ZNF503: variants seen among roughly 807,000 people sequenced by gnomAD.
ZNF503 encodes zinc finger protein 503.
Under a neutral mutation model 34.4 loss-of-function variants are expected in ZNF503, and 15 were observed. The observed-to-expected ratio is 0.44, with a 90% CI of 0.29 to 0.67. The LOEUF is 0.67. Ranked by LOEUF, ZNF503 falls within the 30% of genes least tolerant of loss-of-function variation. The pLI is 0.13. For missense variants in ZNF503, 1,007 were observed against 926.8 expected (o/e 1.09, Z -1.12); for synonymous variants, 580 against 456.8 (o/e 1.27, Z -3.44).
chr10:75,387,347 A>G, the ZNF503 span, among the ~76,000 whole-genome samples: 1 of 152,130 alleles, frequency 6.6e-6, no homozygotes, highest in Non-Finnish European at 1.5e-5. Flanking sequence ...CAGCCCCACC[A>G]CTTTTTAGCT....
the ZNF503 span, among the ~76,000 whole-genome samples, chr10:75,326,031 T>C: frequency 6.6e-6 from 1 of 152,194 alleles, no homozygotes; most frequent in Admixed American, 6.5e-5. Context: ...ACTGCAGTAT[T>C]GCTTTTATTA....
chr10:75,294,874 C>T, the ZNF503 span, among the ~76,000 whole-genome samples: 7 of 152,036 alleles, frequency 4.6e-5, no homozygotes, highest in Non-Finnish European at 1.0e-4. Flanking sequence ...GATGCGGGCC[C>T]GGGTTTTTCT....
At chr10:75,337,917 A>G in the ZNF503 span, among the ~76,000 whole-genome samples, 1 of 152,246 alleles carries the variant, frequency 6.6e-6, no homozygotes, top group Non-Finnish European at 1.5e-5. Flanking sequence ...CCTGGGCCAG[A>G]TGTTGTACTA....
chr10:75,284,510 A>C, the ZNF503 span, among the ~76,000 whole-genome samples: 1 of 151,894 alleles, frequency 6.6e-6, no homozygotes, highest in African/African-American at 2.4e-5. Context: ...AATTCTCTCA[A>C]CCCCTACCCA....
At chr10:75,292,269 A>G in the ZNF503 span, among the ~76,000 whole-genome samples, 1 of 152,228 alleles carries the variant, frequency 6.6e-6, no homozygotes, top group Non-Finnish European at 1.5e-5. Flanking sequence ...TCCTAAATTG[A>G]CATGTTCCCT....
the ZNF503 span, among the ~76,000 whole-genome samples, chr10:75,384,787 C>T: frequency 6.6e-6 from 1 of 152,192 alleles, no homozygotes; most frequent in Admixed American, 6.5e-5. Flanking sequence ...GCCAGTTTTC[C>T]TCTGAGGTCT....
At chr10:75,349,024 T>C in the ZNF503 span, among the ~76,000 whole-genome samples, 1 of 152,148 alleles carries the variant, frequency 6.6e-6, no homozygotes, top group Non-Finnish European at 1.5e-5. Context: ...ATTTTTTGAA[T>C]CATTTGTGAG....
chr10:75,390,185 T>C, the ZNF503 span, among the ~76,000 whole-genome samples: 1 of 147,344 alleles, frequency 6.8e-6, no homozygotes, highest in African/African-American at 2.5e-5. Context: ...GCATGATTTC[T>C]TTTTTTTTTT....
chr10:75,365,945 G>A, the ZNF503 span, among the ~76,000 whole-genome samples: 6 of 152,294 alleles, frequency 3.9e-5, no homozygotes, highest in African/African-American at 1.4e-4. Flanking sequence ...CGTGCCTCTC[G>A]CTTTCCCAGA....
At chr10:75,346,285 A>G in the ZNF503 span, among the ~76,000 whole-genome samples, 9 of 152,228 alleles carry the variant, frequency 5.9e-5, no homozygotes, top group East Asian at 1.7e-3. Flanking sequence ...GCAGTCTCAC[A>G]GGGCCCTGTC....
intron 1 of ZNF503, 140 bp downstream of exon 1, chr10:75,400,965 C>G (rs893390389): frequency 8.0e-7 from 1 of 1,257,234 alleles, no homozygotes; most frequent in Non-Finnish European, 1.1e-6. Context: ...TTTTGAGGTA[C>G]GGAAGCAGTA....
chr10:75,394,128 TCTC>T (rs1429120853), downstream of ZNF503, among the ~76,000 whole-genome samples: 1 of 152,186 alleles, frequency 6.6e-6, no homozygotes, highest in Admixed American at 6.5e-5. Context: ...TGAGCCTCAG[TCTC>T]CTCATCTGAA....
the ZNF503 span, among the ~76,000 whole-genome samples, chr10:75,381,508 C>T: frequency 6.6e-6 from 1 of 152,292 alleles, no homozygotes; most frequent in South Asian, 2.1e-4. Context: ...CAGGCATGAG[C>T]CACTGTGTGT....
At chr10:75,296,619 C>T in the ZNF503 span, 9 of 152,202 alleles carry the variant, frequency 5.9e-5, no homozygotes, top group African/African-American at 1.2e-4. Flanking sequence ...ATGAATGAGT[C>T]CTGAAGATGG....
At chr10:75,371,892 C>T in the ZNF503 span, among the ~76,000 whole-genome samples, 1 of 152,202 alleles carries the variant, frequency 6.6e-6, no homozygotes. Flanking sequence ...GCCTGCCTGC[C>T]TCATTCAGTC....
the ZNF503 span, among the ~76,000 whole-genome samples, chr10:75,349,722 A>G: frequency 3.3e-5 from 5 of 152,236 alleles, no homozygotes; most frequent in Non-Finnish European, 4.4e-5. Context: ...AGAAGACCTG[A>G]GGCTGTGCCT....
At chr10:75,297,152 C>T in the ZNF503 span, among the ~76,000 whole-genome samples, 15 of 152,262 alleles carry the variant, frequency 9.9e-5, no homozygotes, top group South Asian at 3.1e-3. Flanking sequence ...TCCTACTCTC[C>T]TGTATTCTTT....
chr10:75,353,924 G>A, the ZNF503 span, among the ~76,000 whole-genome samples: 110 of 152,356 alleles, frequency 7.2e-4, 1 homozygote, highest in Middle Eastern at 6.8e-3. Context: ...TGAGCTCAGC[G>A]TTGGCTCAGC....
chr10:75,397,144 G>A (rs538638034), downstream of ZNF503, among the ~76,000 whole-genome samples: 2 of 152,158 alleles, frequency 1.3e-5, no homozygotes, highest in South Asian at 2.1e-4. Flanking sequence ...AGAGCCACCC[G>A]GACGGGGAAA....
Sources: allele counts gnomAD v4.1 joint callset (sites outside exome capture counted in the v4.1 genomes callset), GRCh38; gene constraint gnomAD v4.1.1; transcripts MANE v1.5; gene names NCBI Gene and HGNC (gene_info 2026-07-23, HGNC 2026-07-21).